Variants in DLGAP2 observed in about 807,000 individuals in gnomAD.
DLGAP2 encodes disks large-associated protein 2.
Under a neutral mutation model 100.3 loss-of-function variants are expected in DLGAP2, and 26 were observed. The ratio of observed to expected loss-of-function variants is 0.26; its 90% CI spans 0.19 to 0.36. DLGAP2 has a LOEUF of 0.36. DLGAP2 is among the 10% of genes least tolerant of loss of function. DLGAP2 has a pLI of 1.00. For missense variants in DLGAP2, 1,858 were observed against 1,453.2 expected (o/e 1.28, Z -4.53); for synonymous variants, 886 against 630.1 (o/e 1.41, Z -6.08).
At chr8:804,776 C>G (rs1796236353) in intron 1 of DLGAP2, among the ~76,000 whole-genome samples, 1 of 151,902 alleles carries the variant, frequency 6.6e-6, no homozygotes, top group Admixed American at 6.6e-5. Flanking sequence ...CATTTTATTT[C>G]TTTTTTTTGG....
chr8:897,546 T>C (rs1273903116), intron 1 of DLGAP2, among the ~76,000 whole-genome samples: 1 of 152,206 alleles, frequency 6.6e-6, no homozygotes, highest in East Asian at 1.9e-4. Flanking sequence ...CTAATAAACA[T>C]GGGCGCCCGG....
intron 2 of DLGAP2, among the ~76,000 whole-genome samples, chr8:1,135,921 T>C (rs189632695): frequency 6.6e-6 from 1 of 152,156 alleles, no homozygotes; most frequent in African/African-American, 2.4e-5. Flanking sequence ...TTTTCGAAGT[T>C]AAGAAACGAG....
At chr8:1,240,216 C>T in intron 2 of DLGAP2, among the ~76,000 whole-genome samples, 1 of 133,848 alleles carries the variant, frequency 7.5e-6, no homozygotes, top group African/African-American at 2.7e-5. Flanking sequence ...TCACATGGCA[C>T]TGTGTCTAGT....
At chr8:1,091,514 G>A (rs1270060705) in intron 2 of DLGAP2, among the ~76,000 whole-genome samples, 2 of 152,206 alleles carry the variant, frequency 1.3e-5, no homozygotes, top group East Asian at 1.9e-4. Flanking sequence ...GTATTTTGCT[G>A]TGTTGCCTTC....
At chr8:887,869 G>A (rs1055880030) in intron 1 of DLGAP2, among the ~76,000 whole-genome samples, 2 of 152,092 alleles carry the variant, frequency 1.3e-5, no homozygotes, top group Non-Finnish European at 2.9e-5. Context: ...ATCTTCTCAT[G>A]GAGCATCTTA....
chr8:1,060,414 G>T (rs553669792), intron 2 of DLGAP2, among the ~76,000 whole-genome samples: 1 of 151,520 alleles, frequency 6.6e-6, no homozygotes, highest in African/African-American at 2.4e-5. Context: ...TGGTCCCTCC[G>T]CTGTGTCCTT....
intron 2 of DLGAP2, chr8:1,003,130 C>A (rs1030512155): frequency 6.6e-6 from 1 of 152,244 alleles, no homozygotes; most frequent in African/African-American, 2.4e-5. Flanking sequence ...TGTGGACATG[C>A]CCCACCATGC....
intron 2 of DLGAP2, among the ~76,000 whole-genome samples, chr8:1,244,457 C>A (rs757671942): frequency 6.6e-6 from 1 of 152,146 alleles, no homozygotes; most frequent in Non-Finnish European, 1.5e-5. Flanking sequence ...AAAGAGGTGC[C>A]ATAGAAACAT....
intron 1 of DLGAP2, among the ~76,000 whole-genome samples, chr8:807,833 G>T (rs1187100189): frequency 1.3e-5 from 2 of 152,194 alleles, no homozygotes; most frequent in Non-Finnish European, 2.9e-5. Flanking sequence ...AATGACGGGG[G>T]TGCTGGTGCA....
chr8:1,646,708 A>T (rs1201944589), intron 8 of DLGAP2, among the ~76,000 whole-genome samples: 1 of 152,142 alleles, frequency 6.6e-6, no homozygotes, highest in African/African-American at 2.4e-5. Flanking sequence ...GCTGTTTGAA[A>T]ACAGGTGTCA....
In DLGAP2 at chr8:907,839, C is replaced by T. The variant is rs143219152; in HGVS notation, c.19-73C>T. 1.5e-3 allele frequency: 605 copies of T among 397,978 alleles called. 3 individuals carry two copies. Among genetic ancestry groups the T allele is most frequent in the African/African-American group, 0.011 (530 of 48,738 alleles). The allele number at this position is 397,978 out of a possible 1,614,324, so 24.7% of individuals were successfully genotyped here. ...GAACTACCTTATTAGAAGAAACACT[C>T]GCAACAGTTAATGAGATGCCTTCCT... On this transcript the variant is annotated intron_variant, in intron 1 of 14. Coordinates refer to ENST00000637795, the MANE Select transcript of DLGAP2 (RefSeq NM_001346810.2).
intron 1 of DLGAP2, among the ~76,000 whole-genome samples, chr8:798,320 G>A (rs4075762): frequency 0.21 from 29,386 of 142,652 alleles, 3,140 homozygotes; most frequent in Non-Finnish European, 0.28. Flanking sequence ...GCCTGCTTCC[G>A]TTGGCACTGA....
intron 2 of DLGAP2, among the ~76,000 whole-genome samples, chr8:1,245,902 C>T (rs1798891951): frequency 6.6e-6 from 1 of 152,144 alleles, no homozygotes; most frequent in African/African-American, 2.4e-5. Flanking sequence ...TGGGTGGTCC[C>T]AGTATGACCG....
chr8:1,189,849 G>T (rs1797595986), intron 2 of DLGAP2, among the ~76,000 whole-genome samples: 1 of 152,220 alleles, frequency 6.6e-6, no homozygotes, highest in Non-Finnish European at 1.5e-5. Context: ...GCTCCAGCAG[G>T]CAGGAGGCGG....
intron 1 of DLGAP2, among the ~76,000 whole-genome samples, chr8:742,686 TG>T (rs1211807008): frequency 2.0e-5 from 3 of 152,060 alleles, no homozygotes; most frequent in Non-Finnish European, 4.4e-5. Context: ...TTTTTTTTTT[TG>T]GTAGAGACGG....
intron 3 of DLGAP2, among the ~76,000 whole-genome samples, chr8:1,276,645 G>A (rs1423176952): frequency 4.7e-5 from 7 of 150,410 alleles, no homozygotes; most frequent in East Asian, 1.9e-4. Flanking sequence ...TGACTTCCCA[G>A]CACACGTCCC....
intron 3 of DLGAP2, among the ~76,000 whole-genome samples, chr8:1,498,262 T>C (rs1799607691): frequency 6.6e-6 from 1 of 151,946 alleles, no homozygotes; most frequent in Non-Finnish European, 1.5e-5. Flanking sequence ...GGATGGATGG[T>C]AAGTGTTTCT....
chr8:1,570,856 A>G (rs1370572466), intron 6 of DLGAP2, among the ~76,000 whole-genome samples: 72 of 44,536 alleles, frequency 1.6e-3, no homozygotes, highest in Admixed American at 2.7e-3. Context: ...AACTGTGGGG[A>G]TGTCTGATGA....
At chr8:1,044,622 A>C (rs948152555) in intron 2 of DLGAP2, among the ~76,000 whole-genome samples, 28 of 152,226 alleles carry the variant, frequency 1.8e-4, no homozygotes, top group African/African-American at 6.5e-4. Context: ...CATGTATCCC[A>C]GGGTCTCCTC....
Sources: gnomAD v4.1 joint callset for allele counts (sites outside exome capture counted in the v4.1 genomes callset) on GRCh38, gnomAD v4.1.1 for gene constraint, MANE v1.5 for transcripts, NCBI Gene and HGNC (gene_info 2026-07-23, HGNC 2026-07-21) for gene names.